The following THEMIS variants were observed in gnomAD, a reference collection of about 807,000 sequenced individuals.
THEMIS encodes the protein protein THEMIS.
In THEMIS, 37 loss-of-function variants were observed where a neutral mutation model predicts 52.6. The ratio of observed to expected loss-of-function variants is 0.70; its 90% CI spans 0.54 to 0.93. THEMIS has a LOEUF of 0.93. THEMIS is among the 40% of genes least tolerant of loss of function. The pLI, the probability that THEMIS is intolerant of heterozygous loss-of-function variation, is 0.00. For synonymous variants in THEMIS, 292 were observed against 272.7 expected (o/e 1.07, Z -0.70); for missense variants, 808 against 763.1 (o/e 1.06, Z -0.69).
At chr6:127,855,369 T>C (rs1425538086) in intron 1 of THEMIS, among the ~76,000 whole-genome samples, 181 bp from the exon 2 acceptor site, 1 of 152,004 alleles carries the variant, frequency 6.6e-6, no homozygotes, top group Non-Finnish European at 1.5e-5. Flanking sequence ...AGATTTTCAC[T>C]TTATTCACTG....
intron 1 of THEMIS, among the ~76,000 whole-genome samples, chr6:127,914,464 T>C (rs1781477040): frequency 6.6e-6 from 1 of 152,204 alleles, no homozygotes; most frequent in Non-Finnish European, 1.5e-5. Context: ...GCGTTAATCA[T>C]AGAGTGTGCT....
At chr6:127,913,162 G>T (rs541877448) in intron 1 of THEMIS, among the ~76,000 whole-genome samples, 1 of 152,092 alleles carries the variant, frequency 6.6e-6, no homozygotes, top group Admixed American at 6.5e-5. Context: ...CCTGGACATA[G>T]AGCAGAGCAT....
At chr6:127,891,416 G>T (rs567030617) in intron 1 of THEMIS, among the ~76,000 whole-genome samples, 1 of 151,618 alleles carries the variant, frequency 6.6e-6, no homozygotes, top group South Asian at 2.1e-4. Flanking sequence ...GGCACCTGTA[G>T]TCCCAGCTAC....
chr6:127,758,576 C>G (rs1307095707), intron 4 of THEMIS, among the ~76,000 whole-genome samples: 1 of 150,998 alleles, frequency 6.6e-6, no homozygotes, highest in African/African-American at 2.4e-5. Context: ...TTCCCTATAG[C>G]AGAAAGATAA....
chr6:127,707,373 T>G (rs1244544438), downstream of THEMIS, among the ~76,000 whole-genome samples: 3 of 152,144 alleles, frequency 2.0e-5, no homozygotes, highest in East Asian at 5.8e-4. Context: ...GAATTTTGGC[T>G]TTTACTCTGA....
At chr6:127,815,062 G>A (rs568041901) in intron 3 of THEMIS, among the ~76,000 whole-genome samples, 20 of 152,234 alleles carry the variant, frequency 1.3e-4, no homozygotes, top group African/African-American at 4.8e-4. Context: ...GAGGTGGGAA[G>A]ATCGCTTGAG....
intron 4 of THEMIS, among the ~76,000 whole-genome samples, chr6:127,731,864 A>ATTTT (rs58263706): frequency 0.011 from 438 of 41,698 alleles, 77 homozygotes; most frequent in South Asian, 0.079. Flanking sequence ...TGCCCGGCTA[A>ATTTT]TTTTTTTTTT....
At chr6:127,853,467 T>C (rs1309763135) in intron 2 of THEMIS, among the ~76,000 whole-genome samples, 1 of 151,666 alleles carries the variant, frequency 6.6e-6, no homozygotes, top group Non-Finnish European at 1.5e-5. Context: ...GTGATTCTAA[T>C]GTGCAGCCAA....
the THEMIS span, among the ~76,000 whole-genome samples, chr6:127,700,596 T>C: frequency 1.2e-4 from 19 of 152,158 alleles, no homozygotes; most frequent in South Asian, 3.9e-3. Flanking sequence ...TTCTTATCTT[T>C]TATTAGCATG....
chr6:127,862,618 C>T (rs1206738485), intron 1 of THEMIS, among the ~76,000 whole-genome samples: 2 of 151,524 alleles, frequency 1.3e-5, no homozygotes, highest in African/African-American at 4.9e-5. Context: ...CAGGGTTTCA[C>T]CTTGTTGGCC....
chr6:127,832,777 C>CTTTTTTTTT (rs11355741), intron 2 of THEMIS, among the ~76,000 whole-genome samples: 1,533 of 57,802 alleles, frequency 0.027, 327 homozygotes, highest in Non-Finnish European at 0.031. Context: ...ATTGTCAGAT[C>CTTTTTTTTT]TTTTTTTTTT....
chr6:127,837,071 G>A (rs1778895933), intron 2 of THEMIS, among the ~76,000 whole-genome samples: 1 of 152,138 alleles, frequency 6.6e-6, no homozygotes. Flanking sequence ...GGTTTTCCAA[G>A]GTTTGTGTTT....
intron 4 of THEMIS, 22 bp downstream of exon 4, chr6:127,812,861 C>T (rs779423885): frequency 1.3e-6 from 2 of 1,543,404 alleles, no homozygotes; most frequent in Non-Finnish European, 8.7e-7. Context: ...CCAGAGAAAA[C>T]ATTGCAAAAC....
At chr6:127,841,809 T>C (rs960999735) in intron 2 of THEMIS, among the ~76,000 whole-genome samples, 5 of 152,052 alleles carry the variant, frequency 3.3e-5, no homozygotes, top group Admixed American at 6.6e-5. Context: ...TTTTCTTGCA[T>C]AGTTTATACA....
At chr6:127,733,217 C>T (rs1202042111) in intron 4 of THEMIS, among the ~76,000 whole-genome samples, 1 of 152,178 alleles carries the variant, frequency 6.6e-6, no homozygotes, top group Non-Finnish European at 1.5e-5. Flanking sequence ...TGACTGATAA[C>T]ATTTCTTTAT....
chr6:127,742,964 A>C (rs1775260731), intron 4 of THEMIS, among the ~76,000 whole-genome samples: 1 of 152,166 alleles, frequency 6.6e-6, no homozygotes, highest in South Asian at 2.1e-4. Flanking sequence ...AATAAAAAAG[A>C]ATATGAAGAA....
intron 2 of THEMIS, among the ~76,000 whole-genome samples, chr6:127,835,773 C>A (rs1415582406): frequency 6.6e-6 from 1 of 152,240 alleles, no homozygotes; most frequent in East Asian, 1.9e-4. Flanking sequence ...ATAATTTCCA[C>A]AGATTTCACC....
At position 127,788,464 on chromosome 6, in the gene THEMIS, T is replaced by C. The variant is rs563978318; in HGVS notation, c.1758+24419A>G. 1.4e-4 allele frequency among the ~76,000 whole-genome samples: 22 copies of C among 152,320 alleles called. 1 individual carries two copies. In the East Asian group the frequency reaches 3.7e-3, roughly 25 times the overall value. On this transcript the variant is annotated intron_variant, in intron 4 of 5. Transcript: ENST00000368248. ...CACAGGAAAAAATTAAAATGCTTTA[T>C]TTGCCAATATTGACATTTTCATTAA...
At chr6:127,812,472 T>A (rs1418471535) in intron 4 of THEMIS, among the ~76,000 whole-genome samples, 2 of 151,942 alleles carry the variant, frequency 1.3e-5, no homozygotes, top group African/African-American at 4.8e-5. Flanking sequence ...TAACCCCCCA[T>A]CCCCAGAAGA....
Sources: allele counts gnomAD v4.1 joint callset (sites outside exome capture counted in the v4.1 genomes callset), GRCh38; gene constraint gnomAD v4.1.1; transcripts MANE v1.5; gene names NCBI Gene and HGNC (gene_info 2026-07-23, HGNC 2026-07-21).